GOPC: variants seen among roughly 807,000 people sequenced by gnomAD.
The protein encoded by GOPC is Golgi-associated PDZ and coiled-coil motif-containing protein.
In GOPC, 32 loss-of-function variants were observed where a neutral mutation model predicts 51.2. That is an observed-to-expected ratio of 0.63 (90% CI 0.47 to 0.84). The LOEUF is 0.84. Ranked by LOEUF, GOPC falls within the 40% of genes least tolerant of loss-of-function variation. The pLI, the probability that GOPC is intolerant of heterozygous loss-of-function variation, is 0.00. For missense variants in GOPC, 441 were observed against 555.5 expected (o/e 0.79, Z 2.07); for synonymous variants, 190 against 205.1 (o/e 0.93, Z 0.63).
chr6:117,592,813 GAAA>G, intron 1 of GOPC, among the ~76,000 whole-genome samples: 1 of 152,282 alleles, frequency 6.6e-6, no homozygotes, highest in Non-Finnish European at 1.5e-5. Context: ...TTCCCAAACA[GAAA>G]TGCAGTGTTA....
At chr6:117,597,786 A>G (rs1416082650) in intron 1 of GOPC, among the ~76,000 whole-genome samples, 1 of 152,210 alleles carries the variant, frequency 6.6e-6, no homozygotes, top group Non-Finnish European at 1.5e-5. Flanking sequence ...TATGCCCCCT[A>G]AAAAGGAAAT....
Position 117,602,026 on chromosome 6 carries a change from GA to G in GOPC, c.262del (p.Ser88LeufsTer14). The G allele has an allele frequency of 6.2e-7, 1 of 1,614,180 alleles. No homozygotes were observed. The highest frequency in any genetic ancestry group is 1.3e-5 in the African/African-American group (1 of 75,042). On this transcript the variant is annotated frameshift_variant, in exon 1 of 9. Transcript: ENST00000368498. LOFTEE classifies it high-confidence loss of function. ...CACCTCCAGCTTGTGGTTGATTTGA[GA>G]CACAGACTGGGCTTTGTGGCAAAGC... Reference protein sequence around the residue: ...AQLCHKAQSVSQINHKLEAQL... With the variant: ...AQLCHKAQSVXQINHKLEAQL...
chr6:117,572,346 C>G (rs1167327909), intron 5 of GOPC, among the ~76,000 whole-genome samples: 1 of 152,118 alleles, frequency 6.6e-6, no homozygotes, highest in Non-Finnish European at 1.5e-5. Flanking sequence ...ATCTATCCTT[C>G]TTCTCAAATG....
intron 1 of GOPC, among the ~76,000 whole-genome samples, chr6:117,586,475 C>CTTTTTTTT (rs869148559): frequency 6.5e-5 from 6 of 91,934 alleles, no homozygotes; most frequent in Non-Finnish European, 1.1e-4. Flanking sequence ...CACAGAGATT[C>CTTTTTTTT]TTTTTTTTTT....
intron 7 of GOPC, among the ~76,000 whole-genome samples, chr6:117,568,413 A>T (rs1779741568): frequency 6.6e-6 from 1 of 152,162 alleles, no homozygotes; most frequent in Non-Finnish European, 1.5e-5. Flanking sequence ...CCAGCAGTTT[A>T]AGGTTATACC....
chr6:117,578,915 G>C lies in GOPC; in HGVS notation c.435C>G (p.Thr145=), dbSNP rs1489191694. ...AACTACTTACCAATTTTGCCTTAATGGTACCAGAGTCAGCACTTTGACCAG... is the reference window on the plus strand; with the variant it reads ...AACTACTTACCAATTTTGCCTTAATCGTACCAGAGTCAGCACTTTGACCAG... ...AKTGQSADSG[T]IKAKLSGPSV... is the part of the protein sequence containing the mutation. Residue 145 remains threonine, a synonymous_variant, in exon 2 of 9, where the codon ACC becomes ACG. Coordinates refer to ENST00000368498, the MANE Select transcript of GOPC (RefSeq NM_020399.4). 5 of 1,589,842 alleles carry C rather than the reference G, an allele frequency of 3.1e-6. No homozygotes were observed. Among genetic ancestry groups the C allele is most frequent in the Non-Finnish European group, 3.4e-6 (4 of 1,168,844 alleles).
At chr6:117,576,936 G>A (rs1056241712) in intron 3 of GOPC, among the ~76,000 whole-genome samples, 2 of 151,996 alleles carry the variant, frequency 1.3e-5, no homozygotes, top group Non-Finnish European at 1.5e-5. Context: ...AAAATGTATT[G>A]TTATTTTCTA....
chr6:117,574,973 G>C (rs1279622442), intron 4 of GOPC, among the ~76,000 whole-genome samples: 1 of 152,128 alleles, frequency 6.6e-6, no homozygotes, highest in East Asian at 1.9e-4. Context: ...CAGCTACTCA[G>C]GAGGCTGAGG....
intron 1 of GOPC, among the ~76,000 whole-genome samples, chr6:117,585,656 T>C (rs1272357442): frequency 5.3e-5 from 8 of 152,182 alleles, no homozygotes; most frequent in Non-Finnish European, 1.2e-4. Flanking sequence ...ATGGGGAAGA[T>C]GTAGTCCATG....
At chr6:117,577,413 GA>G (rs1255053575) in intron 3 of GOPC, 34 bp downstream of exon 3, 1 of 1,580,772 alleles carries the variant, frequency 6.3e-7, no homozygotes, top group African/African-American at 1.4e-5. Flanking sequence ...ACTTCAGCGT[GA>G]CATATTAAAG....
At position 117,562,047 on chromosome 6, in the gene GOPC, C is replaced by T. The variant is rs1484576489; in HGVS notation, c.*1207G>A. On this transcript the variant is annotated 3_prime_UTR_variant, in exon 9 of 9. Coordinates refer to ENST00000368498, the MANE Select transcript of GOPC (RefSeq NM_020399.4). ...AAAACAGTGATATTAGCAAAGCTAT[C>T]ACCTCTTTAATGCAATGTTGTGACT... The T allele has an allele frequency of 2.4e-5, 5 of 206,472 alleles. No individual in the cohort carries two copies. Among genetic ancestry groups the T allele is most frequent in the Non-Finnish European group, 4.0e-5 (4 of 101,028 alleles). The allele number at this position is 206,472 out of a possible 1,614,324, so 12.8% of individuals were successfully genotyped here.
At chr6:117,591,267 AAAG>A (rs199613528) in intron 1 of GOPC, among the ~76,000 whole-genome samples, 5,417 of 152,342 alleles carry the variant, frequency 0.036, 124 homozygotes, top group Non-Finnish European at 0.051. Context: ...GCATGGAAGC[AAAG>A]AATACAAAAA....
intron 1 of GOPC, among the ~76,000 whole-genome samples, chr6:117,589,820 G>A (rs1369060572): frequency 1.3e-5 from 2 of 152,166 alleles, no homozygotes; most frequent in African/African-American, 4.8e-5. Flanking sequence ...AACTGGAGAT[G>A]GGGTGGGGAG....
At chr6:117,582,134 A>G (rs1779966982) in intron 1 of GOPC, among the ~76,000 whole-genome samples, 1 of 151,444 alleles carries the variant, frequency 6.6e-6, no homozygotes, top group Admixed American at 6.6e-5. Context: ...TTTATTGACC[A>G]TTTGAATACC....
In GOPC at chr6:117,563,161, C is replaced by G. The variant is rs1779620463; in HGVS notation, c.*93G>C. The stretch of plus-strand genomic sequence containing the variant: ...GCCTTTCATTTAGGCAACAAACAGC[C>G]TCCCCTGATTTTGTAGTCTTTGTCA... On this transcript the variant is annotated 3_prime_UTR_variant, in exon 9 of 9. Transcript: ENST00000368498. 1 of 1,192,710 alleles carries G rather than the reference C, an allele frequency of 8.4e-7. No individual in the cohort carries two copies. The highest frequency in any genetic ancestry group is 1.4e-5 in the South Asian group (1 of 73,018). The allele number at this position is 1,192,710 out of a possible 1,614,324, so 73.9% of individuals were successfully genotyped here.
chr6:117,583,151 C>T (rs147882011), intron 1 of GOPC, among the ~76,000 whole-genome samples: 220 of 152,210 alleles, frequency 1.4e-3, no homozygotes, highest in African/African-American at 5.2e-3. Context: ...TGCAGCAGAC[C>T]CAAGTGAACC....
At chr6:117,600,232 A>C (rs182341467) in intron 1 of GOPC, among the ~76,000 whole-genome samples, 14 of 152,306 alleles carry the variant, frequency 9.2e-5, no homozygotes, top group Admixed American at 7.2e-4. Flanking sequence ...GCATGCTAAC[A>C]TGCTTACTCA....
chr6:117,589,801 C>A (rs1276630687), intron 1 of GOPC, among the ~76,000 whole-genome samples: 1 of 152,118 alleles, frequency 6.6e-6, no homozygotes, highest in Non-Finnish European at 1.5e-5. Context: ...CTCAGTTGCT[C>A]CATGATCAAA....
chr6:117,599,595 AATC>A (rs1367281610), intron 1 of GOPC, among the ~76,000 whole-genome samples: 1 of 152,196 alleles, frequency 6.6e-6, no homozygotes, highest in East Asian at 1.9e-4. Context: ...AACAAACCAA[AATC>A]ATTAGGATTT....
Sources: gnomAD v4.1 joint callset for allele counts (sites outside exome capture counted in the v4.1 genomes callset) on GRCh38, gnomAD v4.1.1 for gene constraint, MANE v1.5 for transcripts, NCBI Gene and HGNC (gene_info 2026-07-23, HGNC 2026-07-21) for gene names.